Variants in GPM6A observed in about 807,000 individuals in gnomAD.
GPM6A encodes neuronal membrane glycoprotein M6-a.
In GPM6A, 7 loss-of-function variants were observed where a neutral mutation model predicts 32.1. That is an observed-to-expected ratio of 0.22 (90% CI 0.12 to 0.41). The LOEUF (loss-of-function observed/expected upper bound fraction) is 0.41. GPM6A is among the 10% of genes least tolerant of loss of function. The pLI, the probability that GPM6A is intolerant of heterozygous loss-of-function variation, is 1.00. For missense variants in GPM6A, 235 were observed against 347.2 expected, an observed-to-expected ratio of 0.68 and a Z score of 2.57; for synonymous variants, 130 against 123.4, an observed-to-expected ratio of 1.05 and a Z score of -0.35.
intron 1 of GPM6A, among the ~76,000 whole-genome samples, chr4:175,708,964 G>A (rs987094065): frequency 2.6e-5 from 4 of 152,116 alleles, no homozygotes; most frequent in African/African-American, 9.7e-5. Context: ...GTCCACTTGT[G>A]TACTTTATGG....
intron 1 of GPM6A, chr4:175,962,156 T>A: frequency 1.1e-6 from 1 of 887,814 alleles, no homozygotes; most frequent in Non-Finnish European, 1.9e-6. Context: ...ACATCAAGCA[T>A]CAACCCAAGG....
At chr4:175,917,798 GA>G (rs540649966) in intron 1 of GPM6A, among the ~76,000 whole-genome samples, 129 of 151,974 alleles carry the variant, frequency 8.5e-4, no homozygotes, top group Non-Finnish European at 1.5e-3. Flanking sequence ...AACTTAAGGA[GA>G]AAAAAAGCTT....
At position 175,668,426 on chromosome 4, in the gene GPM6A, C is replaced by T. The variant is rs531978001; in HGVS notation, c.387+5254G>A. Among the ~76,000 whole-genome samples the T allele has an allele frequency of 2.0e-5, 3 of 149,866 alleles. No homozygotes were observed. The South Asian group carries it at 6.3e-4, about 32-fold the overall frequency. On this transcript the variant is annotated intron_variant, in intron 3 of 6. Coordinates refer to ENST00000393658, the MANE Select transcript of GPM6A (RefSeq NM_201591.3). ...TCCTTGCTGAGAAACCAGTTAAAAT[C>T]TGGAAAAAAAAATGATGTTGTCTTA...
chr4:175,796,810 T>C (rs1167742156), intron 1 of GPM6A, among the ~76,000 whole-genome samples: 1 of 152,166 alleles, frequency 6.6e-6, no homozygotes, highest in Non-Finnish European at 1.5e-5. Flanking sequence ...CATGCACCAA[T>C]GAAGGAGCTT....
At chr4:175,744,727 T>C (rs1220492377) in intron 1 of GPM6A, among the ~76,000 whole-genome samples, 1 of 152,158 alleles carries the variant, frequency 6.6e-6, no homozygotes, top group Non-Finnish European at 1.5e-5. Flanking sequence ...CCCTAGCAGA[T>C]AAACATTGAA....
At chr4:175,668,263 G>T (rs1298922934) in intron 3 of GPM6A, among the ~76,000 whole-genome samples, 1 of 151,746 alleles carries the variant, frequency 6.6e-6, no homozygotes, top group Non-Finnish European at 1.5e-5. Flanking sequence ...AGCGATATAC[G>T]AGATCTACTT....
chr4:175,780,367 A>T (rs987377437), intron 1 of GPM6A, among the ~76,000 whole-genome samples: 3 of 152,076 alleles, frequency 2.0e-5, no homozygotes, highest in African/African-American at 7.2e-5. Context: ...ACTTTTAATA[A>T]ATCACTTGCA....
chr4:175,731,966 A>ATTTTTTT (rs35116129), intron 1 of GPM6A, among the ~76,000 whole-genome samples: 4 of 123,708 alleles, frequency 3.2e-5, no homozygotes, highest in Non-Finnish European at 4.9e-5. Context: ...TCCTCACTTC[A>ATTTTTTT]TTTTTTTTTT....
At chr4:175,895,432 T>C (rs1737766885) in intron 1 of GPM6A, among the ~76,000 whole-genome samples, 2 of 152,198 alleles carry the variant, frequency 1.3e-5, no homozygotes, top group Admixed American at 1.3e-4. Context: ...CTTTTCTTAT[T>C]GCCAATTGGA....
chr4:175,818,436 T>C (rs1437197119), intron 1 of GPM6A, among the ~76,000 whole-genome samples: 2 of 152,206 alleles, frequency 1.3e-5, no homozygotes, highest in East Asian at 1.9e-4. Context: ...CATATAGATA[T>C]AGTCTGCAAT....
intron 4 of GPM6A, among the ~76,000 whole-genome samples, chr4:175,647,838 G>T (rs150225465): frequency 4.6e-5 from 7 of 152,118 alleles, no homozygotes; most frequent in African/African-American, 1.7e-4. Context: ...ATACATTCAG[G>T]AGTCTTATCA....
chr4:175,886,742 C>T (rs1737471937), intron 1 of GPM6A, among the ~76,000 whole-genome samples: 2 of 151,520 alleles, frequency 1.3e-5, no homozygotes, highest in South Asian at 4.2e-4. Context: ...CACACACACA[C>T]ACACACACAC....
intron 1 of GPM6A, among the ~76,000 whole-genome samples, chr4:175,751,952 T>A (rs1560913416): frequency 6.6e-6 from 1 of 152,140 alleles, no homozygotes; most frequent in Non-Finnish European, 1.5e-5. Flanking sequence ...AGAGCATTGT[T>A]AAAACAAAAC....
At chr4:175,729,005 T>C (rs1731298075) in intron 1 of GPM6A, among the ~76,000 whole-genome samples, 1 of 152,170 alleles carries the variant, frequency 6.6e-6, no homozygotes, top group African/African-American at 2.4e-5. Context: ...CAGGTGGATG[T>C]GGTTCCAACT....
At chr4:175,649,100 C>A (rs1041533412) in intron 4 of GPM6A, among the ~76,000 whole-genome samples, 1 of 152,168 alleles carries the variant, frequency 6.6e-6, no homozygotes, top group Non-Finnish European at 1.5e-5. Flanking sequence ...TCAGGACACT[C>A]CCCTTTCAAT....
intron 2 of GPM6A, among the ~76,000 whole-genome samples, chr4:175,700,198 T>G (rs1055414054): frequency 2.0e-5 from 3 of 152,070 alleles, no homozygotes; most frequent in African/African-American, 7.2e-5. Context: ...CAGGGGAAAT[T>G]AGTAACTTTA....
intron 1 of GPM6A, among the ~76,000 whole-genome samples, chr4:175,941,990 CCAA>C (rs753369377): frequency 1.8e-4 from 27 of 152,330 alleles, no homozygotes; most frequent in East Asian, 3.9e-4. Context: ...ATTTACACTC[CCAA>C]CAACAATGTA....
chr4:175,940,672 G>C (rs924403275), intron 1 of GPM6A, among the ~76,000 whole-genome samples: 1 of 151,732 alleles, frequency 6.6e-6, no homozygotes, highest in Non-Finnish European at 1.5e-5. Flanking sequence ...GCAGTGGTGC[G>C]ATCTCGGCTC....
intron 1 of GPM6A, among the ~76,000 whole-genome samples, chr4:175,759,481 G>A (rs1475058297): frequency 1.3e-5 from 2 of 151,970 alleles, no homozygotes; most frequent in Non-Finnish European, 2.9e-5. Context: ...AATTTCAAGG[G>A]TCTTTTCCTT....
Sources: allele counts gnomAD v4.1 joint callset (sites outside exome capture counted in the v4.1 genomes callset), GRCh38; gene constraint gnomAD v4.1.1; transcripts MANE v1.5; gene names NCBI Gene and HGNC (gene_info 2026-07-23, HGNC 2026-07-21).